Variants in CHST15 observed in about 807,000 individuals in gnomAD.
CHST15 encodes carbohydrate sulfotransferase 15.
In CHST15, 30 loss-of-function variants were observed where a neutral mutation model predicts 53.6. The observed-to-expected ratio is 0.56, with a 90% CI of 0.42 to 0.76. The LOEUF (loss-of-function observed/expected upper bound fraction) is 0.76, where lower values mean the gene tolerates loss of function less well. Among genes scored for constraint, CHST15 ranks in the 30% least tolerant of loss-of-function variants. CHST15 has a pLI of 0.00. For synonymous variants in CHST15, 296 were observed against 289.8 expected, an observed-to-expected ratio of 1.02 and a Z score of -0.22; for missense variants, 627 against 740.5, an observed-to-expected ratio of 0.85 and a Z score of 1.78.
At chr10:124,045,307 G>A (rs1056009935) in intron 2 of CHST15, among the ~76,000 whole-genome samples, 1 of 152,150 alleles carries the variant, frequency 6.6e-6, no homozygotes, top group East Asian at 1.9e-4. Context: ...AATAGAAGCA[G>A]AAAATCAAAT....
chr10:124,057,386 G>C (rs1274527333), intron 1 of CHST15, among the ~76,000 whole-genome samples: 1 of 152,212 alleles, frequency 6.6e-6, no homozygotes, highest in Non-Finnish European at 1.5e-5. Flanking sequence ...GTTTTCTCCA[G>C]ATTAGTGGCC....
intron 5 of CHST15, among the ~76,000 whole-genome samples, chr10:124,030,862 A>G (rs1196288340): frequency 1.3e-5 from 2 of 152,248 alleles, no homozygotes; most frequent in African/African-American, 4.8e-5. Flanking sequence ...GAAGGCATGA[A>G]TCCGGCTCAG....
intron 1 of CHST15, among the ~76,000 whole-genome samples, chr10:124,088,024 C>T (rs1408313504): frequency 6.6e-6 from 1 of 152,214 alleles, no homozygotes; most frequent in African/African-American, 2.4e-5. Flanking sequence ...TGCCTATATC[C>T]TTTGAGGTAG....
intron 4 of CHST15, among the ~76,000 whole-genome samples, chr10:124,040,762 G>A (rs1258180984): frequency 6.6e-6 from 1 of 152,244 alleles, no homozygotes; most frequent in Admixed American, 6.5e-5. Context: ...CCCAAGCAGG[G>A]CTAGATACTT....
chr10:124,010,821 T>G, intron 7 of CHST15: 1 of 985,432 alleles, frequency 1.0e-6, no homozygotes, highest in Non-Finnish European at 1.2e-6. Context: ...TTTCACCCTG[T>G]GCGTCTTGCT....
In CHST15 at chr10:124,021,265, G is replaced by A. The variant is rs138055375; in HGVS notation, c.1338C>T (p.Asn446=). ...RACVYNNTLN[N]AMPVRLQVGL... Reference sequence around the variant, plus strand: ...GGGGGGGGGTACACACAGGCATGGCGTTGTTGAGGGTGTTGTTGTAGACGC... The same window carrying A: ...GGGGGGGGGTACACACAGGCATGGCATTGTTGAGGGTGTTGTTGTAGACGC... Residue 446 remains asparagine, a synonymous_variant, in exon 6 of 8, where the codon AAC becomes AAT. Coordinates refer to ENST00000435907, the MANE Select transcript of CHST15 (RefSeq NM_001270764.2). The A allele has an allele frequency of 3.2e-4, 511 of 1,608,968 alleles. 1 individual carries two copies. The highest frequency in any genetic ancestry group is 4.2e-4 in the Non-Finnish European group (492 of 1,177,416).
At position 124,089,816 on chromosome 10, in the gene CHST15, C is replaced by T. The variant is rs1020731096; in HGVS notation, c.-513+3653G>A. Among the ~76,000 whole-genome samples the T allele has an allele frequency of 2.0e-5, 3 of 152,172 alleles. No individual in the cohort carries two copies. In the East Asian group the frequency reaches 5.8e-4, roughly 29 times the overall value. On this transcript the variant is annotated intron_variant, in intron 1 of 7. Coordinates refer to ENST00000435907, the MANE Select transcript of CHST15 (RefSeq NM_001270764.2). Reference sequence around the variant, plus strand: ...TGTCTACACAGCCAATTCCGCTTGTCCCCATCCCATGAGGGCTGGGACCCT... The same window carrying T: ...TGTCTACACAGCCAATTCCGCTTGTTCCCATCCCATGAGGGCTGGGACCCT...
chr10:124,043,623 A>G (rs898866425), intron 3 of CHST15, among the ~76,000 whole-genome samples: 2 of 152,236 alleles, frequency 1.3e-5, no homozygotes, highest in African/African-American at 4.8e-5. Context: ...CACAAGGAAA[A>G]GGTTACAGAG....
intron 1 of CHST15, among the ~76,000 whole-genome samples, chr10:124,063,638 A>G (rs1384139510): frequency 6.6e-6 from 1 of 152,086 alleles, no homozygotes; most frequent in Non-Finnish European, 1.5e-5. Flanking sequence ...TTGATGGGGC[A>G]TGGCTCGAAA....
chr10:124,010,717 G>C (rs1946387767), intron 7 of CHST15: 1 of 985,334 alleles, frequency 1.0e-6, no homozygotes, highest in Non-Finnish European at 1.2e-6. Flanking sequence ...CACAGCCCAC[G>C]GGTTTCGGTT....
intron 6 of CHST15, among the ~76,000 whole-genome samples, chr10:124,014,266 A>C (rs1481907596): frequency 6.6e-6 from 1 of 152,212 alleles, no homozygotes; most frequent in African/African-American, 2.4e-5. Context: ...CTGGCCCTCA[A>C]CATGGTTCTC....
intron 1 of CHST15, among the ~76,000 whole-genome samples, chr10:124,083,213 T>C (rs1210941870): frequency 1.3e-5 from 2 of 152,222 alleles, no homozygotes; most frequent in Admixed American, 6.5e-5. Flanking sequence ...CCTTCGGCAC[T>C]TCTGCGGCTT....
chr10:124,090,069 C>T (rs1949561022), intron 1 of CHST15, among the ~76,000 whole-genome samples: 1 of 152,146 alleles, frequency 6.6e-6, no homozygotes, highest in South Asian at 2.1e-4. Flanking sequence ...AGTTCTTAGT[C>T]CCTGGGCCCA....
chr10:124,032,264 T>C lies in CHST15; in HGVS notation c.1190+6251A>G, dbSNP rs144529470. Among the ~76,000 whole-genome samples the C allele has an allele frequency of 1.9e-3, 291 of 152,344 alleles. 2 individuals carry two copies. Among genetic ancestry groups the C allele is most frequent in the African/African-American group, 6.7e-3 (278 of 41,580 alleles). On this transcript the variant is annotated intron_variant, in intron 5 of 7. Coordinates refer to ENST00000435907, the MANE Select transcript of CHST15 (RefSeq NM_001270764.2). ...AATTCTTCGCCAAGCTGAGTTCTCC[T>C]TCCCTTTGGACTCATCATCACAGAA...
chr10:124,088,587 C>T (rs1052473480), intron 1 of CHST15, among the ~76,000 whole-genome samples: 4 of 152,214 alleles, frequency 2.6e-5, no homozygotes, highest in Non-Finnish European at 5.9e-5. Context: ...CCTCCTGCCT[C>T]TACCGTCATT....
rs1946367330 is a variant in CHST15, at chr10:124,010,045, G to C, written c.*104C>G. 6.3e-7 allele frequency: 1 copy of C among 1,591,286 alleles called. No homozygotes were observed. Among genetic ancestry groups the C allele is most frequent in the Admixed American group, 1.7e-5 (1 of 58,156 alleles). ...GTGTGCCTAGAGTGGCAGAGTCCTG[G>C]GGTTTTCCATACCATGAGTGAAACA... On this transcript the variant is annotated 3_prime_UTR_variant, in exon 8 of 8. Transcript: ENST00000435907.
intron 1 of CHST15, among the ~76,000 whole-genome samples, chr10:124,064,302 A>G (rs981656897): frequency 6.6e-5 from 10 of 152,234 alleles, no homozygotes; most frequent in African/African-American, 2.4e-4. Flanking sequence ...CAAAGCACAC[A>G]GTTTTCAGAC....
rs1036292426 is a variant in CHST15, at chr10:124,008,844, C to T, written c.*1305G>A. ...TGGGCTGTTGCCAAGGATGCTCAAG[C>T]GTTCTCTTCAATCTTCCCTGTGACT... On this transcript the variant is annotated 3_prime_UTR_variant, in exon 8 of 8. Coordinates refer to ENST00000435907, the MANE Select transcript of CHST15 (RefSeq NM_001270764.2). 11 of 1,249,872 alleles carry T rather than the reference C, an allele frequency of 8.8e-6. No homozygotes were observed. The highest frequency in any genetic ancestry group is 4.8e-5 in the Admixed American group (2 of 41,712). The allele number at this position is 1,249,872 out of a possible 1,614,324, so 77.4% of individuals were successfully genotyped here.
chr10:124,010,899 C>A (rs1387361584), intron 7 of CHST15: 2 of 985,464 alleles, frequency 2.0e-6, no homozygotes, highest in Non-Finnish European at 2.4e-6. Flanking sequence ...CTGGCTGAAC[C>A]TCCATCTGCA....
Sources: allele counts gnomAD v4.1 joint callset (sites outside exome capture counted in the v4.1 genomes callset), GRCh38; gene constraint gnomAD v4.1.1; transcripts MANE v1.5; gene names NCBI Gene and HGNC (gene_info 2026-07-23, HGNC 2026-07-21).